The following UBE2O variants were observed in gnomAD, a reference collection of about 807,000 sequenced individuals.
The protein encoded by UBE2O is (E3-independent) E2 ubiquitin-conjugating enzyme.
Under a neutral mutation model 125.8 loss-of-function variants are expected in UBE2O, and 15 were observed. That is an observed-to-expected ratio of 0.12 (90% CI 0.08 to 0.18). The LOEUF (loss-of-function observed/expected upper bound fraction) is 0.18. Among genes scored for constraint, UBE2O ranks in the 10% least tolerant of loss-of-function variants. The pLI, the probability that UBE2O is intolerant of heterozygous loss-of-function variation, is 1.00. For synonymous variants in UBE2O, 708 were observed against 703.2 expected, an observed-to-expected ratio of 1.01 and a Z score of -0.11; for missense variants, 1,280 against 1,723.6, an observed-to-expected ratio of 0.74 and a Z score of 4.56.
intron 15 of UBE2O, among the ~76,000 whole-genome samples, chr17:76,394,426 G>A (rs763716871): frequency 2.6e-5 from 4 of 152,168 alleles, no homozygotes; most frequent in Admixed American, 6.5e-5. Flanking sequence ...CCCCGTCCAC[G>A]AACAGAGGAG....
chr17:76,414,024 A>T (rs1215315235), intron 1 of UBE2O, among the ~76,000 whole-genome samples: 1 of 152,172 alleles, frequency 6.6e-6, no homozygotes, highest in Non-Finnish European at 1.5e-5. Context: ...ACTTTCTCAG[A>T]GCAGTTGACC....
Position 76,398,213 on chromosome 17 carries a change from G to A in UBE2O, c.2025+42C>T, listed in dbSNP as rs373380516. ...CATCAGGGACTGCAGCTGGTGCACA[G>A]GGCAGTGAGCAGCCATCCAGAACTT... On this transcript the variant is annotated intron_variant, in intron 12 of 17. Coordinates refer to ENST00000319380, the MANE Select transcript of UBE2O (RefSeq NM_022066.4). The surrounding 1 kb of genome is among the most constrained non-coding windows in gnomAD (Gnocchi z 5.4). The A allele has an allele frequency of 3.7e-6, 6 of 1,613,094 alleles. No homozygotes were observed. In the African/African-American group the frequency reaches 4.0e-5, roughly 11 times the overall value.
chr17:76,435,607 G>A lies in UBE2O; in HGVS notation c.417+17118C>T, dbSNP rs564785545. Among the ~76,000 whole-genome samples the A allele has an allele frequency of 8.5e-5, 13 of 152,326 alleles. No homozygotes were observed. The South Asian group carries it at 2.7e-3, about 32-fold the overall frequency. On this transcript the variant is annotated intron_variant, in intron 1 of 17. Transcript: ENST00000319380. ...CAGCAGTGACCACTGGTCAGGTGCTGTGCTGAGCCCTCTCGAAGGTGATCT... is the reference window on the plus strand; with the variant it reads ...CAGCAGTGACCACTGGTCAGGTGCTATGCTGAGCCCTCTCGAAGGTGATCT...
chr17:76,421,148 G>A (rs1290411999), intron 1 of UBE2O, among the ~76,000 whole-genome samples: 1 of 152,148 alleles, frequency 6.6e-6, no homozygotes, highest in Non-Finnish European at 1.5e-5. Context: ...CGCTCCAAAA[G>A]GCCGTTGCTC....
intron 1 of UBE2O, among the ~76,000 whole-genome samples, chr17:76,428,058 T>C (rs59804987): frequency 0.014 from 2,077 of 152,328 alleles, 45 homozygotes; most frequent in African/African-American, 0.046. Context: ...TTATAGCTTA[T>C]ATAGCATTTT....
At position 76,452,231 on chromosome 17, in the gene UBE2O, G is replaced by A. The variant is rs150675311; in HGVS notation, c.417+494C>T. On this transcript the variant is annotated intron_variant, in intron 1 of 17. Coordinates refer to ENST00000319380, the MANE Select transcript of UBE2O (RefSeq NM_022066.4). This position sits in a 1 kb window ranked among gnomAD's most constrained non-coding sequence, Gnocchi z 4.4. ...GGCTTCACCATAATGCAGCCTGTAA[G>A]CTAGTGAACTTCTTGGGTTCGGCTG... Among the ~76,000 whole-genome samples the A allele has an allele frequency of 3.9e-5, 6 of 152,298 alleles. No individual in the cohort carries two copies. Among genetic ancestry groups the A allele is most frequent in the African/African-American group, 1.4e-4 (6 of 41,550 alleles).
rs779393512 is a variant in UBE2O at position 76,398,874 on chromosome 17, G to A, written c.1746C>T (p.Asn582=). The A allele has an allele frequency of 2.9e-5, 46 of 1,614,012 alleles. No homozygotes were observed. The highest frequency in any genetic ancestry group is 2.3e-4 in the Admixed American group (14 of 60,000). Reference sequence around the variant, plus strand: ...CCACGAAGTCTCCAGGGCAGAACTCGTTGTTGTCCAGGTGGTGCACAGGGA... The same window carrying A: ...CCACGAAGTCTCCAGGGCAGAACTCATTGTTGTCCAGGTGGTGCACAGGGA... The part of the protein sequence containing the change: ...DLFPVHHLDN[N]EFCPGDFVVD... The change falls in exon 10 of 18, where the codon AAC becomes AAT. Residue 582 remains asparagine (N), a synonymous_variant. Coordinates refer to ENST00000319380, the MANE Select transcript of UBE2O (RefSeq NM_022066.4). The surrounding 1 kb of genome is among the most constrained non-coding windows in gnomAD (Gnocchi z 5.4).
At position 76,391,548 on chromosome 17, in the gene UBE2O, C is replaced by G. The variant is rs1170994350; in HGVS notation, c.3274G>C (p.Glu1092Gln). The change falls in exon 18 of 18, where the codon GAA becomes CAA. Residue 1092 changes from glutamate (E) to glutamine (Q), a missense_variant. Glu to Gln is a conservative substitution (Grantham distance 29). Coordinates refer to ENST00000319380, the MANE Select transcript of UBE2O (RefSeq NM_022066.4). The surrounding 1 kb of genome is among the most constrained non-coding windows in gnomAD (Gnocchi z 8.4). The stretch of plus-strand genomic sequence containing the variant: ...TAACAGCGACTGTTTTCATAGCCTT[C>G]CTGCAGGCCTCGGTCACTGTCGAAG... The part of the protein sequence containing the change: ...AGFDSDRGLQ[E>Q]GYENSRCYNE... 1 of 1,614,192 alleles carries G rather than the reference C, an allele frequency of 6.2e-7. No individual in the cohort carries two copies. Among genetic ancestry groups the G allele is most frequent in the Admixed American group, 1.7e-5 (1 of 60,034 alleles).
In UBE2O at chr17:76,392,129, G is replaced by T; in HGVS notation, c.2947-16C>A. On this transcript the variant is annotated splice_polypyrimidine_tract_variant and intron_variant, in intron 15 of 17. Transcript: ENST00000319380. ...AGAAGAGGTCCTAGGTAGGGAGGGAGGGAGGGAGGCCAAGGTTGGCAGGGG... is the reference window on the plus strand; with the variant it reads ...AGAAGAGGTCCTAGGTAGGGAGGGATGGAGGGAGGCCAAGGTTGGCAGGGG... 9 of 1,416,130 alleles carry T rather than the reference G, an allele frequency of 6.4e-6. No individual in the cohort carries two copies. The highest frequency in any genetic ancestry group is 2.7e-5 in the Admixed American group (1 of 36,612). 87.7% of individuals were successfully genotyped at this position (1,416,130 alleles called of 1,614,324 possible). A position where few individuals can be genotyped will look rare whatever the true frequency, so the allele number is the denominator to read the frequency against.
Position 76,399,055 on chromosome 17 carries a change from G to A in UBE2O, c.1629-64C>T. 6.4e-7 allele frequency: 1 copy of A among 1,573,900 alleles called. No individual in the cohort carries two copies. The highest frequency in any genetic ancestry group is 2.2e-5 in the East Asian group (1 of 44,584). On this transcript the variant is annotated intron_variant, in intron 9 of 17. Coordinates refer to ENST00000319380, the MANE Select transcript of UBE2O (RefSeq NM_022066.4). The surrounding 1 kb of genome is among the most constrained non-coding windows in gnomAD (Gnocchi z 6.9). ...ACCCCCTCCGCGGAAAGGGCAGAGA[G>A]TCTTTCTGTCCCTTCCTGTCCCTGT...
intron 1 of UBE2O, among the ~76,000 whole-genome samples, chr17:76,435,707 C>T (rs1303322976): frequency 6.6e-6 from 1 of 152,178 alleles, no homozygotes. Flanking sequence ...TCTACATGCC[C>T]TCTCTAAGCC....
Position 76,431,440 on chromosome 17 carries a change from C to T in UBE2O, c.417+21285G>A, listed in dbSNP as rs145165800. On this transcript the variant is annotated intron_variant, in intron 1 of 17. Transcript: ENST00000319380. Reference sequence around the variant, plus strand: ...CTGAGGCAGGAGAATTGCTTGAATCCGGGAGGCACAGGTTGCAGTGAGCCG... The same window carrying T: ...CTGAGGCAGGAGAATTGCTTGAATCTGGGAGGCACAGGTTGCAGTGAGCCG... Among the ~76,000 whole-genome samples the T allele has an allele frequency of 8.8e-3, 1,346 of 152,218 alleles. 24 individuals are homozygous for T. Among genetic ancestry groups the T allele is most frequent in the African/African-American group, 0.03 (1,230 of 41,522 alleles).
intron 1 of UBE2O, among the ~76,000 whole-genome samples, chr17:76,425,924 G>A (rs1393141687): frequency 1.3e-5 from 2 of 152,114 alleles, no homozygotes; most frequent in Non-Finnish European, 2.9e-5. Context: ...CCTGGATCCT[G>A]GGAAAAGTCC....
At chr17:76,425,670 G>GAA (rs973107093) in intron 1 of UBE2O, among the ~76,000 whole-genome samples, 35 of 152,300 alleles carry the variant, frequency 2.3e-4, no homozygotes, top group African/African-American at 7.0e-4. Flanking sequence ...TATGATGGAG[G>GAA]ACAGAGCTCA....
In UBE2O at chr17:76,392,091, T is replaced by C. The variant is rs1417270843; in HGVS notation, c.2969A>G (p.Lys990Arg). ...DRMDLFSALI[K>R]GPTRTPYEDG... The stretch of plus-strand genomic sequence containing the variant: ...CTCGTAGGGGGTTCGAGTGGGGCCC[T>C]TGATGAGAGCTGAGAAGAGGTCCTA... The change falls in exon 16 of 18, where the codon AAG becomes AGG. Residue 990 changes from lysine (K) to arginine (R), a missense_variant. By Grantham distance (26) the Lys-to-Arg change is conservative. Coordinates refer to ENST00000319380, the MANE Select transcript of UBE2O (RefSeq NM_022066.4). 1.3e-6 allele frequency: 2 copies of C among 1,529,566 alleles called. No homozygotes were observed. The highest frequency in any genetic ancestry group is 8.8e-7 in the Non-Finnish European group (1 of 1,142,144). The allele number at this position is 1,529,566 out of a possible 1,614,324, so 94.7% of individuals were successfully genotyped here. A position where few individuals can be genotyped will look rare whatever the true frequency, so the allele number is the denominator to read the frequency against.
chr17:76,410,306 T>C lies in UBE2O; in HGVS notation c.418-4734A>G, dbSNP rs546944587. 2.4e-4 allele frequency among the ~76,000 whole-genome samples: 36 copies of C among 151,964 alleles called. No homozygotes were observed. The highest frequency in any genetic ancestry group is 7.2e-4 in the African/African-American group (30 of 41,446). On this transcript the variant is annotated intron_variant, in intron 1 of 17. Coordinates refer to ENST00000319380, the MANE Select transcript of UBE2O (RefSeq NM_022066.4). The surrounding 1 kb of genome is among the most constrained non-coding windows in gnomAD (Gnocchi z 4.0). ...GCTGGTTAGCCCAGTGGTTCTCACC[T>C]AGGGGTAATTTTGCTCCTCAAAGGA...
intron 1 of UBE2O, among the ~76,000 whole-genome samples, chr17:76,418,120 A>G (rs2072645869): frequency 6.6e-6 from 1 of 152,166 alleles, no homozygotes; most frequent in South Asian, 2.1e-4. Context: ...TAGCTGCCCC[A>G]CACTGCCCTG....
chr17:76,420,360 A>C (rs1216039195), intron 1 of UBE2O, among the ~76,000 whole-genome samples: 1 of 151,978 alleles, frequency 6.6e-6, no homozygotes, highest in East Asian at 1.9e-4. Flanking sequence ...GGGCTATGGA[A>C]GTGCAGGGGG....
Position 76,397,784 on chromosome 17 carries a change from T to G in UBE2O, c.2115+15A>C, listed in dbSNP as rs745886029. 4 of 1,613,722 alleles carry G rather than the reference T, an allele frequency of 2.5e-6. No homozygotes were observed. The highest frequency in any genetic ancestry group is 4.5e-5 in the East Asian group (2 of 44,890). The stretch of plus-strand genomic sequence containing the variant: ...TAGTCACAAGCTCAGCAGGGGGGTC[T>G]TGCCAGAGCCTCACCTGGGGCAGGA... On this transcript the variant is annotated intron_variant, in intron 13 of 17. Coordinates refer to ENST00000319380, the MANE Select transcript of UBE2O (RefSeq NM_022066.4).
Sources: allele counts gnomAD v4.1 joint callset (sites outside exome capture counted in the v4.1 genomes callset), GRCh38; gene constraint gnomAD v4.1.1; non-coding constraint Gnocchi (gnomAD v3.1); transcripts MANE v1.5; gene names NCBI Gene and HGNC (gene_info 2026-07-23, HGNC 2026-07-21).